FHIT: variants seen among roughly 807,000 people sequenced by gnomAD.
FHIT encodes bis(5'-adenosyl)-triphosphatase.
A neutral mutation model predicts 17.9 loss-of-function variants in FHIT; 19 were observed. The observed-to-expected ratio is 1.06, with a 90% CI of 0.74 to 1.56. The LOEUF (loss-of-function observed/expected upper bound fraction) is 1.56. FHIT is among the 40% of genes most tolerant of loss of function. FHIT has a pLI of 0.00. For missense variants in FHIT, 248 were observed against 189.2 expected (o/e 1.31, Z -1.82); for synonymous variants, 81 against 69.7 (o/e 1.16, Z -0.81).
At chr3:59,833,448 T>C (rs985682624) in intron 8 of FHIT, among the ~76,000 whole-genome samples, 1 of 152,124 alleles carries the variant, frequency 6.6e-6, no homozygotes, top group Non-Finnish European at 1.5e-5. Flanking sequence ...GCTGGCAAAC[T>C]ACCAGAAGCT....
chr3:59,851,717 A>C (rs1389101012), intron 8 of FHIT, among the ~76,000 whole-genome samples: 2 of 152,184 alleles, frequency 1.3e-5, no homozygotes, highest in Admixed American at 6.6e-5. Context: ...CACTATCACA[A>C]GTTGCCATTC....
At chr3:60,441,726 G>A (rs58280660) in intron 5 of FHIT, among the ~76,000 whole-genome samples, 40,602 of 62,320 alleles carry the variant, frequency 0.65, 12,698 homozygotes, top group Non-Finnish European at 0.74. Context: ...ATATATATTT[G>A]TATTTATATA....
chr3:60,236,352 T>G (rs76457260), intron 5 of FHIT, among the ~76,000 whole-genome samples: 2 of 150,748 alleles, frequency 1.3e-5, no homozygotes, highest in South Asian at 4.2e-4. Context: ...TCAGAAAATG[T>G]TGAATGAAAG....
chr3:60,588,382 T>C (rs1249982470), intron 4 of FHIT, among the ~76,000 whole-genome samples: 2 of 151,218 alleles, frequency 1.3e-5, no homozygotes, highest in African/African-American at 2.4e-5. Flanking sequence ...AAGTACGGAA[T>C]GTGAAAAATG....
chr3:60,437,234 G>T (rs540851694), intron 5 of FHIT, among the ~76,000 whole-genome samples: 1 of 152,218 alleles, frequency 6.6e-6, no homozygotes, highest in East Asian at 1.9e-4. Context: ...AAGACTGCTG[G>T]AGCCAGGCAA....
intron 3 of FHIT, among the ~76,000 whole-genome samples, chr3:61,003,685 C>T (rs2031251703): frequency 6.6e-6 from 1 of 152,134 alleles, no homozygotes. Flanking sequence ...CATTTTGGAA[C>T]CAATTTTAAT....
intron 8 of FHIT, among the ~76,000 whole-genome samples, chr3:59,919,694 T>C (rs894416941): frequency 6.6e-6 from 1 of 152,332 alleles, no homozygotes; most frequent in East Asian, 1.9e-4. Context: ...AATTACATTT[T>C]ATGGAGCTCA....
In FHIT at chr3:60,029,863, T is replaced by C. The variant is rs562705688; in HGVS notation, c.104-15711A>G. 2.6e-5 allele frequency among the ~76,000 whole-genome samples: 3 copies of C among 115,244 alleles called. No individual in the cohort carries two copies. The East Asian group carries it at 1.0e-3, about 39-fold the overall frequency. The allele number at this position is 115,244 out of a possible 152,430, so 75.6% of individuals were successfully genotyped here. ...GTTGGACAGGCAGTTGTTGGGCAGA[T>C]GTCCTCATAGAAGCATTGTGTGTGT... On this transcript the variant is annotated intron_variant, in intron 5 of 9. Coordinates refer to ENST00000492590, the MANE Select transcript of FHIT (RefSeq NM_002012.4).
At chr3:60,890,036 C>T (rs1190663314) in intron 3 of FHIT, among the ~76,000 whole-genome samples, 1 of 152,092 alleles carries the variant, frequency 6.6e-6, no homozygotes, top group Non-Finnish European at 1.5e-5. Flanking sequence ...ACTGTGTCAA[C>T]ACATGCTTAA....
At chr3:60,440,181 T>C (rs2030667470) in intron 5 of FHIT, among the ~76,000 whole-genome samples, 3 of 152,072 alleles carry the variant, frequency 2.0e-5, no homozygotes, top group African/African-American at 7.2e-5. Context: ...CAGGAACAAC[T>C]TGCTGCCCTT....
intron 2 of FHIT, among the ~76,000 whole-genome samples, chr3:61,197,997 C>T (rs1011218616): frequency 6.6e-6 from 1 of 152,014 alleles, no homozygotes; most frequent in African/African-American, 2.4e-5. Flanking sequence ...GAACTCTGTA[C>T]TTTTTGTAAT....
intron 5 of FHIT, among the ~76,000 whole-genome samples, chr3:60,498,371 AC>A (rs1382744849): frequency 2.0e-5 from 3 of 152,182 alleles, no homozygotes; most frequent in African/African-American, 7.2e-5. Context: ...AGTATGTTAT[AC>A]CCCCTGATTT....
chr3:60,014,506 C>G (rs1700267347), intron 5 of FHIT, among the ~76,000 whole-genome samples: 1 of 152,216 alleles, frequency 6.6e-6, no homozygotes, highest in South Asian at 2.1e-4. Context: ...GTGTCCGCTT[C>G]AGCAGCCAAA....
chr3:61,149,884 A>G (rs1280060935), intron 2 of FHIT, among the ~76,000 whole-genome samples: 2 of 152,090 alleles, frequency 1.3e-5, no homozygotes, highest in African/African-American at 4.8e-5. Flanking sequence ...ATGTATATAT[A>G]AAAAAATGCT....
At chr3:60,600,498 T>C (rs1161937052) in intron 4 of FHIT, among the ~76,000 whole-genome samples, 1 of 152,160 alleles carries the variant, frequency 6.6e-6, no homozygotes, top group Non-Finnish European at 1.5e-5. Flanking sequence ...AAAAAGCTAA[T>C]ACCTTACCCA....
At chr3:60,907,908 A>C (rs1553764938) in intron 3 of FHIT, among the ~76,000 whole-genome samples, 1 of 152,250 alleles carries the variant, frequency 6.6e-6, no homozygotes, top group East Asian at 1.9e-4. Flanking sequence ...TTTTACAGAC[A>C]AAATGGAAAC....
chr3:60,915,979 T>C (rs1706980693), intron 3 of FHIT, among the ~76,000 whole-genome samples: 2 of 152,342 alleles, frequency 1.3e-5, no homozygotes, highest in African/African-American at 4.8e-5. Flanking sequence ...CATATGCATA[T>C]GTGAACATAT....
Position 60,068,913 on chromosome 3 carries a change from G to A in FHIT, c.104-54761C>T, listed in dbSNP as rs557173172. 7.2e-4 allele frequency among the ~76,000 whole-genome samples: 109 copies of A among 152,266 alleles called. 1 individual carries two copies. The highest frequency in any genetic ancestry group is 2.5e-3 in the African/African-American group (102 of 41,564). ...ATACATAAAACATATGTACAAGGAT[G>A]TTTATTGTAAGACTGTTTCTCTATT... is the stretch of plus-strand genomic sequence containing the variant. On this transcript the variant is annotated intron_variant, in intron 5 of 9. Coordinates refer to ENST00000492590, the MANE Select transcript of FHIT (RefSeq NM_002012.4).
At chr3:60,276,600 A>C (rs1022155082) in intron 5 of FHIT, among the ~76,000 whole-genome samples, 17 of 152,294 alleles carry the variant, frequency 1.1e-4, no homozygotes, top group Admixed American at 5.9e-4. Context: ...AAAGGTGCAA[A>C]AGGCATATAT....
Sources: allele counts gnomAD v4.1 joint callset (sites outside exome capture counted in the v4.1 genomes callset), GRCh38; gene constraint gnomAD v4.1.1; transcripts MANE v1.5; gene names NCBI Gene and HGNC (gene_info 2026-07-23, HGNC 2026-07-21).